Variants in ZNF629 observed in about 807,000 individuals in gnomAD.
The protein encoded by ZNF629 is DNA-binding protein.
Under a neutral mutation model 59.7 loss-of-function variants are expected in ZNF629, and 9 were observed. The ratio of observed to expected loss-of-function variants is 0.15; its 90% CI spans 0.09 to 0.26. ZNF629 has a LOEUF of 0.26. ZNF629 is among the 10% of genes least tolerant of loss of function. ZNF629 has a pLI of 1.00. For synonymous variants in ZNF629, 509 were observed against 498.9 expected, an observed-to-expected ratio of 1.02 and a Z score of -0.27; for missense variants, 853 against 1,165.4, an observed-to-expected ratio of 0.73 and a Z score of 3.90.
Position 30,783,242 on chromosome 16 carries a change from G to C in ZNF629, c.1086C>G (p.Ile362Met). The C allele has an allele frequency of 1.2e-6, 2 of 1,612,718 alleles. No individual in the cohort carries two copies. Among genetic ancestry groups the C allele is most frequent in the South Asian group, 2.2e-5 (2 of 91,010 alleles). ...GKSFGHSSTL[I>M]KHQRTHLRED... ...CGCGCAGGTGAGTCCGCTGGTGCTT[G>C]ATGAGGGTGGAGCTGTGGCCGAAGC... The change falls in exon 3 of 3, where the codon ATC (isoleucine) becomes ATG (methionine). Residue 362 changes from isoleucine to methionine, a missense_variant. This residue lies in a region of ZNF629 where 201 missense variants were observed against 536.5 expected (regional missense o/e 0.37). Coordinates refer to ENST00000262525, the MANE Select transcript of ZNF629 (RefSeq NM_001080417.3).
At position 30,781,190 on chromosome 16, in the gene ZNF629, C is replaced by G. The variant is rs1043798980; in HGVS notation, c.*528G>C. The G allele has an allele frequency of 1.3e-5, 2 of 152,312 alleles. No individual in the cohort carries two copies. The highest frequency in any genetic ancestry group is 4.8e-5 in the African/African-American group (2 of 41,414). 9.4% of individuals were successfully genotyped at this position (152,312 alleles called of 1,614,324 possible). A position where few individuals can be genotyped will look rare whatever the true frequency, so the allele number is the denominator to read the frequency against. On this transcript the variant is annotated 3_prime_UTR_variant, in exon 3 of 3. Transcript: ENST00000262525. ...TCCACCCAGTTCCCACACCACTCCCCCAGCTGAGCATCTTCCTCCATGAGA... is the reference window on the plus strand; with the variant it reads ...TCCACCCAGTTCCCACACCACTCCCGCAGCTGAGCATCTTCCTCCATGAGA...
In ZNF629 at chr16:30,784,049, G is replaced by A. The variant is rs1428627995; in HGVS notation, c.279C>T (p.Asp93=). 9 of 1,587,640 alleles carry A rather than the reference G, an allele frequency of 5.7e-6. No individual in the cohort carries two copies. The highest frequency in any genetic ancestry group is 1.1e-5 in the South Asian group (1 of 87,794). ...SNPLDHQIPL[D]PPAPEVVPTP... ...TAGGGACTACCTCCGGGGCTGGGGG[G>A]TCCAGGGGGATCTGGTGGTCCAAGG... The change falls in exon 3 of 3, where the codon GAC becomes GAT. Residue 93 remains aspartate (D), a synonymous_variant. Coordinates refer to ENST00000262525, the MANE Select transcript of ZNF629 (RefSeq NM_001080417.3).
At position 30,786,311 on chromosome 16, in the gene ZNF629, A is replaced by G. The variant is rs568770387; in HGVS notation, c.-34+717T>C. Among the ~76,000 whole-genome samples the G allele has an allele frequency of 3.9e-5, 6 of 152,238 alleles. No individual in the cohort carries two copies. Among genetic ancestry groups the G allele is most frequent in the African/African-American group, 1.4e-4 (6 of 41,532 alleles). The stretch of plus-strand genomic sequence containing the variant: ...GGGCTGCCTGATGTCCGGTCCGGGA[A>G]GGATGCCCTGCTGTGTTTGCTCGGG... On this transcript the variant is annotated intron_variant, in intron 1 of 2. Coordinates refer to ENST00000262525, the MANE Select transcript of ZNF629 (RefSeq NM_001080417.3). This position sits in a 1 kb window ranked among gnomAD's most constrained non-coding sequence, Gnocchi z 4.8.
Position 30,782,276 on chromosome 16 carries a change from G to A in ZNF629, c.2052C>T (p.His684=). The A allele has an allele frequency of 1.9e-6, 3 of 1,612,814 alleles. No homozygotes were observed. The highest frequency in any genetic ancestry group is 2.5e-6 in the Non-Finnish European group (3 of 1,179,296). The change falls in exon 3 of 3, where the codon CAC becomes CAT. Residue 684 remains histidine (H), a synonymous_variant. Coordinates refer to ENST00000262525, the MANE Select transcript of ZNF629 (RefSeq NM_001080417.3). The part of the protein sequence containing the change: ...RSVLLQHQLT[H]GNEKPFLFPD... ...GAAAGAGAAAGGGCTTTTCGTTGCC[G>A]TGGGTGAGCTGATGCTGGAGGAGCA... is the stretch of plus-strand genomic sequence containing the variant.
Position 30,783,331 on chromosome 16 carries a change from G to A in ZNF629, c.997C>T (p.Leu333=), listed in dbSNP as rs766401710. Residue 333 remains leucine (L), a synonymous_variant, in exon 3 of 3, where the codon CTG becomes TTG. Transcript: ENST00000262525. ...CGKSFIQSSE[L]TQHQRTHTGE... Reference sequence around the variant, plus strand: ...GTGTGCGTGCGCTGGTGCTGGGTCAGCTCCGAGCTCTGGATGAAGCTCTTC... The same window carrying A: ...GTGTGCGTGCGCTGGTGCTGGGTCAACTCCGAGCTCTGGATGAAGCTCTTC... 32 of 1,613,974 alleles carry A rather than the reference G, an allele frequency of 2.0e-5. No individual in the cohort carries two copies. The East Asian group carries it at 7.1e-4, about 36-fold the overall frequency.
At chr16:30,785,303 C>T (rs2054322401) in intron 1 of ZNF629, among the ~76,000 whole-genome samples, 1 of 152,178 alleles carries the variant, frequency 6.6e-6, no homozygotes, top group African/African-American at 2.4e-5. Flanking sequence ...CAGATTAGTA[C>T]ATCAATGCCT....
chr16:30,785,948 G>A (rs1228827362), intron 1 of ZNF629, among the ~76,000 whole-genome samples: 18 of 152,034 alleles, frequency 1.2e-4, no homozygotes, highest in Admixed American at 1.2e-3. Context: ...TGAGGGAATG[G>A]GGCCACAGGA....
At position 30,784,058 on chromosome 16, in the gene ZNF629, G is replaced by A. The variant is rs1284101969; in HGVS notation, c.270C>T (p.Ile90=). ...CCTCCGGGGCTGGGGGGTCCAGGGGGATCTGGTGGTCCAAGGGATTGGAGT... is the reference window on the plus strand; with the variant it reads ...CCTCCGGGGCTGGGGGGTCCAGGGGAATCTGGTGGTCCAAGGGATTGGAGT... ...LGHSNPLDHQ[I]PLDPPAPEVV... Residue 90 remains isoleucine, a synonymous_variant, in exon 3 of 3, where the codon ATC becomes ATT. Coordinates refer to ENST00000262525, the MANE Select transcript of ZNF629 (RefSeq NM_001080417.3). 3 of 1,591,180 alleles carry A rather than the reference G, an allele frequency of 1.9e-6. No homozygotes were observed. Among genetic ancestry groups the A allele is most frequent in the South Asian group, 1.1e-5 (1 of 88,750 alleles).
In ZNF629 at chr16:30,781,549, AGGGTTTCT is replaced by A. The variant is rs2054280865; in HGVS notation, c.*161_*168del. On this transcript the variant is annotated 3_prime_UTR_variant, in exon 3 of 3. Transcript: ENST00000262525. ...AAGTGCTTCCCACCAACAATTTTAT[AGGGTTTCT>A]CATCACTGATGTAAAAGCACTATTT... 7 of 557,150 alleles carry A rather than the reference AGGGTTTCT, an allele frequency of 1.3e-5. No individual in the cohort carries two copies. Among genetic ancestry groups the A allele is most frequent in the Non-Finnish European group, 2.0e-5 (7 of 354,378 alleles). 34.5% of individuals were successfully genotyped at this position (557,150 alleles called of 1,614,324 possible).
chr16:30,780,091 C>T lies in ZNF629; in HGVS notation c.*1627G>A, dbSNP rs924026915. ...GTGTGGTGTGGGAGGTGAGATGGGC[C>T]TGGCAAGGGAGGCTTTCTCATCCTT... is the stretch of plus-strand genomic sequence containing the variant. On this transcript the variant is annotated 3_prime_UTR_variant, in exon 3 of 3. Coordinates refer to ENST00000262525, the MANE Select transcript of ZNF629 (RefSeq NM_001080417.3). The T allele has an allele frequency of 1.3e-5, 2 of 152,686 alleles. No homozygotes were observed. The highest frequency in any genetic ancestry group is 4.8e-5 in the African/African-American group (2 of 41,418). 9.5% of individuals were successfully genotyped at this position (152,686 alleles called of 1,614,324 possible). A position where few individuals can be genotyped will look rare whatever the true frequency, so the allele number is the denominator to read the frequency against.
Position 30,781,812 on chromosome 16 carries a change from T to G in ZNF629, c.2516A>C (p.Glu839Ala), listed in dbSNP as rs754773366. The G allele has an allele frequency of 1.2e-6, 2 of 1,610,096 alleles. No individual in the cohort carries two copies. Among genetic ancestry groups the G allele is most frequent in the Non-Finnish European group, 1.7e-6 (2 of 1,177,842 alleles). The change falls in exon 3 of 3, where the codon GAA (glutamate) becomes GCA (alanine). Residue 839 changes from glutamate (E) to alanine (A), a missense_variant. Glu to Ala is a moderately radical substitution (Grantham distance 107). Transcript: ENST00000262525. ...EGQNPKTLVE[E>A]KPYLCPECGA... ...ACACTCGGGGCACAGATAGGGCTTT[T>G]CTTCCACTAGGGTTTTGGGGTTTTG... is the stretch of plus-strand genomic sequence containing the variant.
At position 30,786,246 on chromosome 16, in the gene ZNF629, G is replaced by A. The variant is rs1391154799; in HGVS notation, c.-34+782C>T. ...GAATCCCCCCTCCCCGCCTGTAAGT[G>A]TCTTTGGGGTGGTGGAAGCGGAGAC... On this transcript the variant is annotated intron_variant, in intron 1 of 2. Transcript: ENST00000262525. This position sits in a 1 kb window ranked among gnomAD's most constrained non-coding sequence, Gnocchi z 4.8. Among the ~76,000 whole-genome samples the A allele has an allele frequency of 6.6e-6, 1 of 152,160 alleles. No individual in the cohort carries two copies. The highest frequency in any genetic ancestry group is 1.5e-5 in the Non-Finnish European group (1 of 68,022).
At chr16:30,785,859 AAAAT>A (rs55733443) in intron 1 of ZNF629, among the ~76,000 whole-genome samples, 6,102 of 140,134 alleles carry the variant, frequency 0.044, 518 homozygotes, top group East Asian at 0.41. Context: ...GCCCCCTGGT[AAAAT>A]AAATAAATAA....
At position 30,782,665 on chromosome 16, in the gene ZNF629, C is replaced by T. The variant is rs2054294551; in HGVS notation, c.1663G>A (p.Gly555Arg). The T allele has an allele frequency of 1.3e-6, 2 of 1,588,862 alleles. No individual in the cohort carries two copies. The highest frequency in any genetic ancestry group is 2.7e-5 in the African/African-American group (2 of 74,300). ...GGCGGGGTCAGCAGGGAGGGGTCCC[C>T]GAGCCCCAGCAGGCTGTCGCCCTGG... ...RAQGDSLLGL[G>R]DPSLLTPPPG... is the part of the protein sequence containing the mutation. The change falls in exon 3 of 3, where the codon GGG (glycine) becomes AGG (arginine). Residue 555 changes from glycine to arginine, a missense_variant. Transcript: ENST00000262525.
chr16:30,781,688 A>G lies in ZNF629; in HGVS notation c.*30T>C, dbSNP rs752822677. On this transcript the variant is annotated 3_prime_UTR_variant, in exon 3 of 3. Coordinates refer to ENST00000262525, the MANE Select transcript of ZNF629 (RefSeq NM_001080417.3). ...AAAAATCCAGTGTTCCTCTCTGGAG[A>G]GAGCGAGGCCCCTGGTCTCCAGACC... 1.3e-6 allele frequency: 2 copies of G among 1,561,182 alleles called. No individual in the cohort carries two copies. The highest frequency in any genetic ancestry group is 2.8e-5 in the African/African-American group (2 of 72,294).
At position 30,781,751 on chromosome 16, in the gene ZNF629, G is replaced by A. The variant is rs1438768386; in HGVS notation, c.2577C>T (p.Leu859=). The change falls in exon 3 of 3, where the codon CTC becomes CTT. Residue 859 remains leucine, a synonymous_variant. Transcript: ENST00000262525. The part of the protein sequence containing the change: ...AGFTEVAALL[L]HRSCHPGVSL ...AGACACCTGGGTGGCAGCTCCTATG[G>A]AGCAGGAGGGCTGCGACTTCTGTGA... The A allele has an allele frequency of 3.1e-6, 5 of 1,612,686 alleles. No homozygotes were observed. The highest frequency in any genetic ancestry group is 1.3e-5 in the African/African-American group (1 of 74,954).
At chr16:30,784,300 ACGGGGTTT>A (rs1567295521) in intron 2 of ZNF629, 46 bp from the exon 3 acceptor site, 1 of 1,565,204 alleles carries the variant, frequency 6.4e-7, no homozygotes, top group Non-Finnish European at 8.6e-7. Context: ...CTTTCAGAAC[ACGGGGTTT>A]GGTCTCTCTT....
chr16:30,784,621 G>A lies in ZNF629; in HGVS notation c.-33-106C>T, dbSNP rs147831225. The A allele has an allele frequency of 1.0e-3, 823 of 823,902 alleles. 2 individuals carry two copies. Among genetic ancestry groups the A allele is most frequent in the Admixed American group, 2.4e-3 (79 of 33,270 alleles). The allele number at this position is 823,902 out of a possible 1,614,324, so 51.0% of individuals were successfully genotyped here. A position where few individuals can be genotyped will look rare whatever the true frequency, so the allele number is the denominator to read the frequency against. On this transcript the variant is annotated intron_variant, in intron 1 of 2. Coordinates refer to ENST00000262525, the MANE Select transcript of ZNF629 (RefSeq NM_001080417.3). ...CCTGCCCCGCCCCATTCCTCCTTGT[G>A]TGAACTTCAGTGTCCTCCCACCCCA...
rs772664981 is a variant in ZNF629 at position 30,783,950 on chromosome 16, T to TG, written c.377dup (p.Val127SerfsTer329). The TG allele has an allele frequency of 3.8e-6, 6 of 1,587,984 alleles. No individual in the cohort carries two copies. The highest frequency in any genetic ancestry group is 1.8e-5 in the Admixed American group (1 of 56,726). ...GGCTGGGCTCGTTGGCGGGGACGACTGGGGGGCTGTTCCATGTGGTGAGAG... is the reference window on the plus strand; with the variant it reads ...GGCTGGGCTCGTTGGCGGGGACGACTGGGGGGGCTGTTCCATGTGGTGAGAG... On this transcript the variant is annotated frameshift_variant, in exon 3 of 3. Transcript: ENST00000262525. LOFTEE classifies it high-confidence loss of function.
Sources: allele counts gnomAD v4.1 joint callset (sites outside exome capture counted in the v4.1 genomes callset), GRCh38; gene constraint gnomAD v4.1.1; regional missense constraint gnomAD v4.1.1; non-coding constraint Gnocchi (gnomAD v3.1); transcripts MANE v1.5; gene names NCBI Gene and HGNC (gene_info 2026-07-23, HGNC 2026-07-21).